Variants in EYA4 observed in about 807,000 individuals in gnomAD.
EYA4 encodes protein phosphatase EYA4.
In EYA4, 31 loss-of-function variants were observed where a neutral mutation model predicts 87.9. The ratio of observed to expected loss-of-function variants is 0.35; its 90% CI spans 0.27 to 0.48. The LOEUF (loss-of-function observed/expected upper bound fraction) is 0.48. Among genes scored for constraint, EYA4 ranks in the 20% least tolerant of loss-of-function variants. EYA4 has a pLI of 0.99. For missense variants in EYA4, 678 were observed against 761.4 expected, an observed-to-expected ratio of 0.89 and a Z score of 1.29; for synonymous variants, 263 against 270.6, an observed-to-expected ratio of 0.97 and a Z score of 0.28.
At chr6:133,494,801 T>C (rs1797491322) in intron 13 of EYA4, among the ~76,000 whole-genome samples, 2 of 151,674 alleles carry the variant, frequency 1.3e-5, no homozygotes, top group African/African-American at 2.4e-5. Flanking sequence ...CAGTGAGCCA[T>C]GTTCACACCA....
chr6:133,302,053 C>A (rs1425628847), intron 2 of EYA4, among the ~76,000 whole-genome samples: 2 of 152,144 alleles, frequency 1.3e-5, no homozygotes, highest in East Asian at 3.9e-4. Context: ...GAAGTGAGGA[C>A]AGAATTTGCA....
chr6:133,444,893 C>CT (rs1375639841), intron 3 of EYA4, among the ~76,000 whole-genome samples: 7 of 152,172 alleles, frequency 4.6e-5, no homozygotes, highest in Non-Finnish European at 7.3e-5. Context: ...ATAATCTAAC[C>CT]TGACCATAGT....
chr6:133,491,416 T>C (rs747776696), intron 13 of EYA4, among the ~76,000 whole-genome samples: 1 of 152,020 alleles, frequency 6.6e-6, no homozygotes, highest in Non-Finnish European at 1.5e-5. Flanking sequence ...TTAACCAGCC[T>C]AGCTAACAAA....
At chr6:133,525,014 G>T (rs1343229506) in intron 18 of EYA4, 140 bp from the exon 19 acceptor site, 1 of 1,612,956 alleles carries the variant, frequency 6.2e-7, no homozygotes, top group Non-Finnish European at 8.5e-7. Flanking sequence ...TTGTTTTTCA[G>T]GCAAGGAAAG....
At chr6:133,329,772 A>T (rs1220208602) in intron 2 of EYA4, among the ~76,000 whole-genome samples, 2 of 152,124 alleles carry the variant, frequency 1.3e-5, no homozygotes, top group East Asian at 3.8e-4. Context: ...CTGTTGTAGT[A>T]GTGTACAATA....
chr6:133,356,827 G>T (rs1291853409), intron 2 of EYA4, among the ~76,000 whole-genome samples: 2 of 149,524 alleles, frequency 1.3e-5, no homozygotes, highest in Non-Finnish European at 3.0e-5. Flanking sequence ...TTTTGAGACG[G>T]ATTCTCACTC....
chr6:133,382,298 T>G, intron 2 of EYA4, 94 bp from the exon 3 acceptor site: 1 of 860,556 alleles, frequency 1.2e-6, no homozygotes, highest in South Asian at 1.3e-5. Context: ...ATAGAGAACT[T>G]GGTGAACAGA....
intron 2 of EYA4, among the ~76,000 whole-genome samples, chr6:133,331,440 T>C (rs952970992): frequency 1.2e-4 from 18 of 152,200 alleles, no homozygotes; most frequent in African/African-American, 4.3e-4. Context: ...ATTTAAAAGA[T>C]GGCACAGAAG....
chr6:133,394,284 GTTTTTTTTTTT>G (rs869103311), intron 3 of EYA4, among the ~76,000 whole-genome samples: 101 of 17,858 alleles, frequency 5.7e-3, no homozygotes, highest in Non-Finnish European at 0.012. Flanking sequence ...ATAAGCTTGT[GTTTTTTTTTTT>G]TTTTTTTTTT....
intron 3 of EYA4, among the ~76,000 whole-genome samples, chr6:133,390,240 G>T (rs1443352324): frequency 2.0e-5 from 3 of 151,718 alleles, no homozygotes; most frequent in Non-Finnish European, 4.4e-5. Context: ...TATTTTTTGA[G>T]ACAGACTTTC....
chr6:133,342,605 A>ATATATATATATATATATATATC lies in EYA4; in HGVS notation c.34-39787_34-39786insTATATATATATATATATATATC, dbSNP rs1485897156. ...TATATATATATATATATATATATAT[A>ATATATATATATATATATATATC]ATTCTTTATATTTCTCTGGGCTTAA... is the stretch of plus-strand genomic sequence containing the variant. On this transcript the variant is annotated intron_variant, in intron 2 of 19. Transcript: ENST00000355286. Among the ~76,000 whole-genome samples, 46 of 130,452 alleles carry ATATATATATATATATATATATC rather than the reference A, an allele frequency of 3.5e-4. 1 individual carries two copies. Among genetic ancestry groups the ATATATATATATATATATATATC allele is most frequent in the African/African-American group, 1.5e-3 (45 of 30,550 alleles). The allele number at this position is 130,452 out of a possible 152,430, so 85.6% of individuals were successfully genotyped here.
chr6:133,418,158 C>T (rs1789905756), intron 3 of EYA4, among the ~76,000 whole-genome samples: 1 of 152,078 alleles, frequency 6.6e-6, no homozygotes, highest in South Asian at 2.1e-4. Context: ...CCTTCAGCAG[C>T]TGGAGGAGAG....
At chr6:133,395,294 A>C (rs1787688773) in intron 3 of EYA4, among the ~76,000 whole-genome samples, 1 of 149,956 alleles carries the variant, frequency 6.7e-6, no homozygotes, top group African/African-American at 2.5e-5. Context: ...ACATAGTAGG[A>C]GTGCAATAAA....
chr6:133,252,008 A>G (rs535071780), intron 1 of EYA4, among the ~76,000 whole-genome samples: 140 of 152,302 alleles, frequency 9.2e-4, no homozygotes, highest in African/African-American at 3.3e-3. Context: ...GACCATCTCC[A>G]GCATATTTTC....
At chr6:133,255,988 A>C (rs1266833267) in intron 1 of EYA4, among the ~76,000 whole-genome samples, 1 of 151,992 alleles carries the variant, frequency 6.6e-6, no homozygotes, top group Non-Finnish European at 1.5e-5. Flanking sequence ...AATGCTTTTT[A>C]AAAAGATTTA....
chr6:133,362,923 C>T (rs1200170102), intron 2 of EYA4, among the ~76,000 whole-genome samples: 1 of 152,208 alleles, frequency 6.6e-6, no homozygotes, highest in Non-Finnish European at 1.5e-5. Flanking sequence ...GTCCACAGTT[C>T]TTACATGCCT....
Position 133,462,609 on chromosome 6 carries a change from T to C in EYA4, c.581-12T>C, listed in dbSNP as rs1794497516. The C allele has an allele frequency of 6.2e-7, 1 of 1,613,886 alleles. No homozygotes were observed. The highest frequency in any genetic ancestry group is 1.3e-5 in the African/African-American group (1 of 74,922). On this transcript the variant is annotated splice_polypyrimidine_tract_variant and intron_variant, in intron 8 of 19. Transcript: ENST00000355286. ...CTAATTAAATGGTTTACACATTCAA[T>C]TTTCTGAACAGATTTGGGTGTGATG...
At chr6:133,456,498 CAG>C (rs1268199249) in intron 5 of EYA4, 56 bp from the exon 6 acceptor site, 5 of 1,172,632 alleles carry the variant, frequency 4.3e-6, no homozygotes, top group Non-Finnish European at 6.4e-6. Flanking sequence ...GTAGAACGGA[CAG>C]AGTCTTTGAC....
chr6:133,426,550 C>T (rs1790690826), intron 3 of EYA4, among the ~76,000 whole-genome samples: 2 of 152,232 alleles, frequency 1.3e-5, no homozygotes, highest in Admixed American at 1.3e-4. Flanking sequence ...CACAGATTAG[C>T]TAGACTAATC....
Sources: allele counts gnomAD v4.1 joint callset (sites outside exome capture counted in the v4.1 genomes callset), GRCh38; gene constraint gnomAD v4.1.1; transcripts MANE v1.5; gene names NCBI Gene and HGNC (gene_info 2026-07-23, HGNC 2026-07-21).